Variants in ARHGAP6 observed in about 807,000 individuals in gnomAD.
ARHGAP6 encodes the protein Rho GTPase activating protein 6.
ARHGAP6 carries 16 observed loss-of-function variants against 55.7 expected under a neutral mutation model. That is an observed-to-expected ratio of 0.29 (90% CI 0.19 to 0.44). The LOEUF (loss-of-function observed/expected upper bound fraction) is 0.44. ARHGAP6 is among the 20% of genes least tolerant of loss of function. ARHGAP6 has a pLI of 1.00. For missense variants in ARHGAP6, 698 were observed against 808.9 expected, an observed-to-expected ratio of 0.86 and a Z score of 1.66; for synonymous variants, 382 against 360.9, an observed-to-expected ratio of 1.06 and a Z score of -0.66.
intron 1 of ARHGAP6, among the ~76,000 whole-genome samples, chrX:11,643,204 C>T (rs886252963): frequency 3.6e-5 from 4 of 111,847 alleles, no homozygotes; most frequent in Non-Finnish European, 7.5e-5. Context: ...CTTCTACAGT[C>T]TTTCTTCTTA....
chrX:11,524,072 A>G (rs2050964203), intron 1 of ARHGAP6, among the ~76,000 whole-genome samples: 1 of 112,164 alleles, frequency 8.9e-6, no homozygotes, highest in Admixed American at 9.5e-5. Flanking sequence ...TTCATAAAAT[A>G]CAAGTACTCA....
chrX:11,232,470 CAAA>C (rs1342134402), intron 2 of ARHGAP6, among the ~76,000 whole-genome samples: 1 of 102,248 alleles, frequency 9.8e-6, no homozygotes, highest in Non-Finnish European at 2.0e-5. Flanking sequence ...AAAATACACA[CAAA>C]AAAAAAAAAT....
intron 1 of ARHGAP6, among the ~76,000 whole-genome samples, chrX:11,534,958 C>A (rs1041884546): frequency 4.5e-5 from 5 of 111,384 alleles, no homozygotes; most frequent in Non-Finnish European, 7.5e-5. Context: ...TTGAACAGTG[C>A]GGAGACAGTA....
chrX:11,478,606 G>A (rs2050426173), intron 1 of ARHGAP6, among the ~76,000 whole-genome samples: 1 of 111,417 alleles, frequency 9.0e-6, no homozygotes, highest in African/African-American at 3.3e-5. Flanking sequence ...TAATGGCCAT[G>A]TGCATTTCTC....
chrX:11,509,549 A>G (rs113745240), intron 1 of ARHGAP6, among the ~76,000 whole-genome samples: 1 of 111,959 alleles, frequency 8.9e-6, no homozygotes, highest in South Asian at 3.7e-4. Context: ...CTCCTAGCCT[A>G]TCAGGTGGAC....
chrX:11,598,411 G>A (rs2051927715), intron 1 of ARHGAP6, among the ~76,000 whole-genome samples: 1 of 111,882 alleles, frequency 8.9e-6, no homozygotes, highest in Non-Finnish European at 1.9e-5. Flanking sequence ...TAGATATGGT[G>A]GTACCTATGC....
chrX:11,519,352 T>G (rs777925299), intron 1 of ARHGAP6, among the ~76,000 whole-genome samples: 2 of 110,289 alleles, frequency 1.8e-5, no homozygotes, highest in African/African-American at 6.7e-5. Context: ...TGATATCTCA[T>G]AGTGGTTTTG....
intron 1 of ARHGAP6, among the ~76,000 whole-genome samples, chrX:11,658,424 A>G (rs1447155671): frequency 1.8e-5 from 2 of 111,522 alleles, no homozygotes; most frequent in East Asian, 5.6e-4. Context: ...TTAAGGCATT[A>G]TACTGATTTC....
At chrX:11,151,588 G>GA (rs1489488223) in intron 10 of ARHGAP6, among the ~76,000 whole-genome samples, 10 of 111,627 alleles carry the variant, frequency 9.0e-5, no homozygotes, top group Non-Finnish European at 1.7e-4. Context: ...ACAAGCACGA[G>GA]AAAAAACAAG....
At chrX:11,298,022 A>G in intron 1 of ARHGAP6, 2 of 955,044 alleles carry the variant, frequency 2.1e-6, no homozygotes, top group Non-Finnish European at 3.0e-6. Flanking sequence ...AAAGATGAAG[A>G]ATGTGTGTGA....
chrX:11,141,932 G>A (rs2045625298), intron 12 of ARHGAP6, among the ~76,000 whole-genome samples: 1 of 112,304 alleles, frequency 8.9e-6, no homozygotes, highest in African/African-American at 3.2e-5. Flanking sequence ...TGCACTCTGT[G>A]GAATACCCCT....
chrX:11,528,283 T>C (rs1338295076), intron 1 of ARHGAP6, among the ~76,000 whole-genome samples: 1 of 112,334 alleles, frequency 8.9e-6, no homozygotes, highest in Admixed American at 9.5e-5. Context: ...ATTCTACCAA[T>C]AGACAATACC....
At chrX:11,302,681 A>G (rs1680675910) in intron 1 of ARHGAP6, among the ~76,000 whole-genome samples, 1 of 111,434 alleles carries the variant, frequency 9.0e-6, no homozygotes, top group Non-Finnish European at 1.9e-5. Context: ...AAAAAGACAC[A>G]TGTGGAGACA....
intron 2 of ARHGAP6, chrX:11,221,262 G>T (rs2046965425): frequency 8.4e-6 from 1 of 118,853 alleles, no homozygotes; most frequent in African/African-American, 3.3e-5. Context: ...TAATTGTGAG[G>T]TTAGGGTATT....
intron 1 of ARHGAP6, among the ~76,000 whole-genome samples, chrX:11,416,165 G>A (rs748789071): frequency 1.8e-5 from 2 of 111,436 alleles, no homozygotes; most frequent in Non-Finnish European, 3.8e-5. Flanking sequence ...ATCATGGAAG[G>A]CCTCATTCTC....
chrX:11,569,641 T>C (rs1009695672), intron 1 of ARHGAP6, among the ~76,000 whole-genome samples: 6 of 111,912 alleles, frequency 5.4e-5, no homozygotes, highest in African/African-American at 9.8e-5. Context: ...GTCTGCACCA[T>C]AGTGGCCTCT....
At chrX:11,253,356 A>C (rs931792785) in intron 2 of ARHGAP6, among the ~76,000 whole-genome samples, 1 of 111,104 alleles carries the variant, frequency 9.0e-6, no homozygotes, top group Non-Finnish European at 1.9e-5. Context: ...TTTATGAATA[A>C]ATATTCATGA....
intron 1 of ARHGAP6, among the ~76,000 whole-genome samples, chrX:11,387,427 C>G (rs1460068865): frequency 8.9e-6 from 1 of 111,772 alleles, no homozygotes; most frequent in African/African-American, 3.3e-5. Context: ...CAGGCCCAAA[C>G]AGCCACTTGC....
chrX:11,193,577 TTTTTG>T (rs1569249909), intron 3 of ARHGAP6, among the ~76,000 whole-genome samples: 1 of 112,475 alleles, frequency 8.9e-6, no homozygotes, highest in East Asian at 2.8e-4. Context: ...ACTTAAAATT[TTTTTG>T]TTTTGTTTTG....
Sources: allele counts gnomAD v4.1 joint callset (sites outside exome capture counted in the v4.1 genomes callset), GRCh38; gene constraint gnomAD v4.1.1; transcripts MANE v1.5; gene names NCBI Gene and HGNC (gene_info 2026-07-23, HGNC 2026-07-21).